Variants in TMIGD3 observed in about 807,000 individuals in gnomAD.
TMIGD3 encodes the protein transmembrane and immunoglobulin domain containing 3.
Under a neutral mutation model 28.1 loss-of-function variants are expected in TMIGD3, and 21 were observed. The ratio of observed to expected loss-of-function variants is 0.75; its 90% CI spans 0.53 to 1.08. The LOEUF (loss-of-function observed/expected upper bound fraction) is 1.08, where lower values mean the gene tolerates loss of function less well. Among genes scored for constraint, TMIGD3 ranks in the 50% least tolerant of loss-of-function variants. TMIGD3 has a pLI of 0.00. For missense variants in TMIGD3, 416 were observed against 435.6 expected (o/e 0.96, Z 0.40); for synonymous variants, 151 against 162.1 (o/e 0.93, Z 0.52).
chr1:111,545,117 T>C (rs183761292), intron 1 of TMIGD3, among the ~76,000 whole-genome samples: 2 of 152,038 alleles, frequency 1.3e-5, no homozygotes, highest in Non-Finnish European at 2.9e-5. Context: ...ATTTGGTATA[T>C]ACCCAATTTC....
intron 1 of TMIGD3, among the ~76,000 whole-genome samples, chr1:111,490,988 C>T (rs898687298): frequency 2.6e-5 from 4 of 152,248 alleles, no homozygotes; most frequent in Admixed American, 1.3e-4. Flanking sequence ...GGGCTCTGGC[C>T]CACACTCAGA....
At chr1:111,529,103 T>A (rs912319949) in intron 1 of TMIGD3, among the ~76,000 whole-genome samples, 2 of 151,506 alleles carry the variant, frequency 1.3e-5, no homozygotes, top group African/African-American at 4.8e-5. Flanking sequence ...ATTTATTTTT[T>A]ATTTTTTTTA....
chr1:111,509,917 C>A (rs2100993197), intron 1 of TMIGD3, among the ~76,000 whole-genome samples: 1 of 152,378 alleles, frequency 6.6e-6, no homozygotes, highest in Non-Finnish European at 1.5e-5. Flanking sequence ...GGCAGCACAG[C>A]AGCAAATGGC....
intron 1 of TMIGD3, among the ~76,000 whole-genome samples, chr1:111,491,020 C>G (rs1195343359): frequency 6.6e-6 from 1 of 152,276 alleles, no homozygotes; most frequent in East Asian, 1.9e-4. Context: ...ACACAGCCAT[C>G]ACTGGTACAC....
chr1:111,542,513 G>A (rs1302472571), intron 1 of TMIGD3: 1 of 195,686 alleles, frequency 5.1e-6, no homozygotes, highest in African/African-American at 2.4e-5. Flanking sequence ...GCAGAAGGTG[G>A]GAAATTTTTA....
intron 1 of TMIGD3, among the ~76,000 whole-genome samples, chr1:111,534,412 G>C (rs559966265): frequency 6.6e-6 from 1 of 152,302 alleles, no homozygotes; most frequent in Admixed American, 6.5e-5. Flanking sequence ...GGTCAGAACT[G>C]GTGTTTGCTT....
chr1:111,549,446 C>T (rs1657170567), intron 1 of TMIGD3, among the ~76,000 whole-genome samples: 1 of 151,160 alleles, frequency 6.6e-6, no homozygotes, highest in Non-Finnish European at 1.5e-5. Context: ...GTCAGGAGTT[C>T]AAGACCAGCC....
chr1:111,512,297 C>G (rs866022565), intron 1 of TMIGD3, among the ~76,000 whole-genome samples: 14 of 152,252 alleles, frequency 9.2e-5, no homozygotes, highest in Admixed American at 3.9e-4. Flanking sequence ...GAGACACAGC[C>G]ACCTGTGCGT....
upstream of TMIGD3, chr1:111,505,124 CAAAA>C (rs754473063): frequency 6.5e-4 from 67 of 103,364 alleles, no homozygotes; most frequent in Non-Finnish European, 9.7e-4. Context: ...AGCACTCTGC[CAAAA>C]AAAAAAAAAA....
chr1:111,525,055 T>C (rs1656217933), intron 1 of TMIGD3, among the ~76,000 whole-genome samples: 1 of 152,272 alleles, frequency 6.6e-6, no homozygotes, highest in Non-Finnish European at 1.5e-5. Flanking sequence ...GAGAACAGTT[T>C]GTATGATCTA....
intron 1 of TMIGD3, chr1:111,542,085 C>CT (rs35807618): frequency 1.5e-3 from 246 of 167,532 alleles, no homozygotes; most frequent in African/African-American, 5.1e-3. Flanking sequence ...TGCAAAGAAG[C>CT]TTTTTTTTTT....
intron 1 of TMIGD3, among the ~76,000 whole-genome samples, chr1:111,551,174 T>C (rs1452551278): frequency 2.0e-5 from 3 of 151,476 alleles, no homozygotes; most frequent in African/African-American, 7.3e-5. Context: ...TTGGATCATG[T>C]TTTTTTTTGA....
intron 1 of TMIGD3, among the ~76,000 whole-genome samples, chr1:111,512,851 G>A (rs888671711): frequency 3.9e-5 from 6 of 152,238 alleles, no homozygotes; most frequent in African/African-American, 1.2e-4. Context: ...GATTGTCTCA[G>A]TCTTTCTCTG....
At chr1:111,563,663 A>C (rs1334697575) in intron 1 of TMIGD3, among the ~76,000 whole-genome samples, 3 of 152,212 alleles carry the variant, frequency 2.0e-5, no homozygotes, top group Non-Finnish European at 4.4e-5. Context: ...ATTTTCACGT[A>C]TATTATGTCA....
intron 2 of TMIGD3, among the ~76,000 whole-genome samples, 183 bp from the exon 3 acceptor site, chr1:111,489,207 G>A (rs1654537727): frequency 6.6e-6 from 1 of 152,166 alleles, no homozygotes; most frequent in Non-Finnish European, 1.5e-5. Flanking sequence ...ATATGTTTCA[G>A]TCCTAACCTC....
chr1:111,547,607 G>A (rs902186307), intron 1 of TMIGD3, among the ~76,000 whole-genome samples: 14 of 152,146 alleles, frequency 9.2e-5, no homozygotes, highest in Admixed American at 5.2e-4. Context: ...GAAATCTGAC[G>A]TCAATGCCAT....
chr1:111,490,832 G>GA, intron 1 of TMIGD3, 70 bp from the exon 2 acceptor site: 1 of 1,159,258 alleles, frequency 8.6e-7, no homozygotes, highest in Non-Finnish European at 1.2e-6. Flanking sequence ...CCAGTGAAAA[G>GA]GGAAACAACC....
At chr1:111,521,575 G>C (rs1656061542) in intron 1 of TMIGD3, among the ~76,000 whole-genome samples, 1 of 152,002 alleles carries the variant, frequency 6.6e-6, no homozygotes, top group Non-Finnish European at 1.5e-5. Context: ...TATCATCCTT[G>C]GTGAAGTAAC....
At chr1:111,526,471 T>G (rs1051753720) in intron 1 of TMIGD3, among the ~76,000 whole-genome samples, 1 of 152,182 alleles carries the variant, frequency 6.6e-6, no homozygotes, top group Admixed American at 6.5e-5. Flanking sequence ...GATTGTAAGT[T>G]TCCTGAGGCC....
Sources: gnomAD v4.1 joint callset for allele counts (sites outside exome capture counted in the v4.1 genomes callset) on GRCh38, gnomAD v4.1.1 for gene constraint, MANE v1.5 for transcripts, NCBI Gene and HGNC (gene_info 2026-07-23, HGNC 2026-07-21) for gene names.